The following LRP1B variants were observed in gnomAD, a reference collection of about 807,000 sequenced individuals.
LRP1B encodes LDL receptor related protein 1B.
A neutral mutation model predicts 556.6 loss-of-function variants in LRP1B; 217 were observed. The observed-to-expected ratio is 0.39, with a 90% CI of 0.35 to 0.44. The LOEUF is 0.44. LRP1B is among the 20% of genes least tolerant of loss of function. The probability of loss-of-function intolerance (pLI) is 1.00; values close to 1 mark genes in which losing one functional copy is unlikely to be tolerated. For missense variants in LRP1B, 5,053 were observed against 5,620.8 expected, an observed-to-expected ratio of 0.90 and a Z score of 3.23; for synonymous variants, 2,047 against 1,865.8, an observed-to-expected ratio of 1.10 and a Z score of -2.50.
At position 140,748,601 on chromosome 2, in the gene LRP1B, A is replaced by G. The variant is rs1259160360; in HGVS notation, c.5758+20612T>C. 1.7e-3 allele frequency among the ~76,000 whole-genome samples: 168 copies of G among 101,534 alleles called. 2 individuals are homozygous for G. Among genetic ancestry groups the G allele is most frequent in the African/African-American group, 6.9e-3 (147 of 21,194 alleles). The allele number at this position is 101,534 out of a possible 152,430, so 66.6% of individuals were successfully genotyped here. A position where few individuals can be genotyped will look rare whatever the true frequency, so the allele number is the denominator to read the frequency against. On this transcript the variant is annotated intron_variant, in intron 35 of 90. Coordinates refer to ENST00000389484, the MANE Select transcript of LRP1B (RefSeq NM_018557.3). ...ATACATATACAGTGTGTATATATATATATATATATATATATATATATATAT... is the reference window on the plus strand; with the variant it reads ...ATACATATACAGTGTGTATATATATGTATATATATATATATATATATATAT...
At chr2:141,668,001 A>G (rs1401903502) in intron 2 of LRP1B, among the ~76,000 whole-genome samples, 1 of 152,204 alleles carries the variant, frequency 6.6e-6, no homozygotes, top group Non-Finnish European at 1.5e-5. Context: ...ATTAGAGATT[A>G]CATGTGTATG....
chr2:141,156,011 T>A (rs182391585), intron 7 of LRP1B, among the ~76,000 whole-genome samples: 23 of 152,192 alleles, frequency 1.5e-4, no homozygotes, highest in African/African-American at 5.5e-4. Flanking sequence ...TCCATCACCA[T>A]CAGACATTCA....
intron 35 of LRP1B, among the ~76,000 whole-genome samples, chr2:140,723,885 C>A (rs1163153778): frequency 6.6e-6 from 1 of 152,096 alleles, no homozygotes; most frequent in East Asian, 1.9e-4. Flanking sequence ...ACTTTTTTTA[C>A]CTTTAAAAAC....
At chr2:142,041,634 G>T (rs1704069971) in intron 1 of LRP1B, among the ~76,000 whole-genome samples, 1 of 151,372 alleles carries the variant, frequency 6.6e-6, no homozygotes, top group South Asian at 2.1e-4. Flanking sequence ...TATTGACAAA[G>T]GCTAAACTCT....
At chr2:142,126,656 G>T (rs1458357004) in intron 1 of LRP1B, among the ~76,000 whole-genome samples, 2 of 151,864 alleles carry the variant, frequency 1.3e-5, no homozygotes, top group African/African-American at 4.8e-5. Context: ...CTATCAGTAT[G>T]TTTGATTGGT....
At chr2:140,404,475 A>G (rs1239468886) in intron 66 of LRP1B, among the ~76,000 whole-genome samples, 2 of 152,074 alleles carry the variant, frequency 1.3e-5, no homozygotes, top group Admixed American at 1.3e-4. Flanking sequence ...CCTGGCCAGT[A>G]GAACTTCTTA....
chr2:141,326,471 A>G (rs537846789), intron 3 of LRP1B, among the ~76,000 whole-genome samples: 1 of 152,298 alleles, frequency 6.6e-6, no homozygotes, highest in South Asian at 2.1e-4. Context: ...GATGGACAGA[A>G]TGAAAGATTT....
intron 1 of LRP1B, among the ~76,000 whole-genome samples, chr2:142,095,963 C>G (rs1706349776): frequency 6.6e-6 from 1 of 151,626 alleles, no homozygotes; most frequent in South Asian, 2.1e-4. Context: ...GTGAATAGTC[C>G]TATATGTCAA....
chr2:141,328,039 T>A (rs558846635), intron 3 of LRP1B, among the ~76,000 whole-genome samples: 26 of 152,208 alleles, frequency 1.7e-4, no homozygotes, highest in African/African-American at 6.0e-4. Context: ...ATATCATGAA[T>A]CTAAATAAAA....
chr2:141,835,803 TAC>T lies in LRP1B; in HGVS notation c.83-25404_83-25403del, dbSNP rs147841421. Among the ~76,000 whole-genome samples the T allele has an allele frequency of 5.5e-4, 83 of 149,932 alleles. 1 individual carries two copies. The highest frequency in any genetic ancestry group is 1.2e-3 in the Admixed American group (18 of 14,980). ...CTATAAAGTGGTAAGTAGTGAGGTA[TAC>T]ACACACACACACACAGACATATATA... On this transcript the variant is annotated intron_variant, in intron 1 of 90. Coordinates refer to ENST00000389484, the MANE Select transcript of LRP1B (RefSeq NM_018557.3).
At chr2:141,667,507 A>T (rs1405252859) in intron 2 of LRP1B, among the ~76,000 whole-genome samples, 1 of 152,352 alleles carries the variant, frequency 6.6e-6, no homozygotes, top group South Asian at 2.1e-4. Context: ...CTCCCCAAAG[A>T]TACTCCTGGA....
At chr2:141,743,518 G>C (rs1471763905) in intron 2 of LRP1B, among the ~76,000 whole-genome samples, 7 of 55,360 alleles carry the variant, frequency 1.3e-4, no homozygotes, top group African/African-American at 4.8e-4. Flanking sequence ...TTTTTTTTTT[G>C]ATTAGTTTGA....
intron 66 of LRP1B, among the ~76,000 whole-genome samples, chr2:140,403,151 T>G (rs1213178345): frequency 6.6e-6 from 1 of 151,984 alleles, no homozygotes; most frequent in Non-Finnish European, 1.5e-5. Context: ...AAAAATAAAT[T>G]TAAAAACCAT....
intron 2 of LRP1B, among the ~76,000 whole-genome samples, chr2:141,809,922 C>G (rs768229092): frequency 1.3e-5 from 2 of 151,650 alleles, no homozygotes; most frequent in African/African-American, 2.4e-5. Context: ...TAAATTTTCT[C>G]AAGTCATTTT....
At chr2:140,833,816 T>G (rs146440897) in intron 31 of LRP1B, among the ~76,000 whole-genome samples, 438 of 152,256 alleles carry the variant, frequency 2.9e-3, no homozygotes, top group African/African-American at 9.9e-3. Context: ...TTTACAAAGG[T>G]TATGTTTAAT....
intron 43 of LRP1B, among the ~76,000 whole-genome samples, chr2:140,554,307 A>G (rs1034474421): frequency 5.4e-5 from 8 of 146,950 alleles, no homozygotes; most frequent in Non-Finnish European, 1.5e-5. Context: ...CAAGTTTTAT[A>G]TTTTTATTTT....
chr2:141,319,318 T>TG lies in LRP1B; in HGVS notation c.344-64678_344-64677insC, dbSNP rs1488342947. ...AGCAGTGTTTTTTTGTTGTTTTTTT[T>TG]TTTTTTCCTACTCTTACTTGAAATG... On this transcript the variant is annotated intron_variant, in intron 3 of 90. Transcript: ENST00000389484. Among the ~76,000 whole-genome samples, 542 of 149,232 alleles carry TG rather than the reference T, an allele frequency of 3.6e-3. 8 individuals carry two copies. The highest frequency in any genetic ancestry group is 0.012 in the African/African-American group (484 of 40,430).
intron 3 of LRP1B, among the ~76,000 whole-genome samples, chr2:141,255,534 G>A (rs1684428039): frequency 1.3e-5 from 2 of 151,966 alleles, no homozygotes; most frequent in Non-Finnish European, 2.9e-5. Context: ...ATTCCAAACT[G>A]AACATTGGGT....
At chr2:140,635,151 T>A (rs1684028192) in intron 41 of LRP1B, among the ~76,000 whole-genome samples, 1 of 152,112 alleles carries the variant, frequency 6.6e-6, no homozygotes, top group South Asian at 2.1e-4. Context: ...TATCATTTCC[T>A]ATTTTGAGAC....
Sources: gnomAD v4.1 joint callset for allele counts (sites outside exome capture counted in the v4.1 genomes callset) on GRCh38, gnomAD v4.1.1 for gene constraint, MANE v1.5 for transcripts, NCBI Gene and HGNC (gene_info 2026-07-23, HGNC 2026-07-21) for gene names.